Variants in POLR1A observed in about 807,000 individuals in gnomAD.
The protein encoded by POLR1A is DNA-directed RNA polymerase I subunit RPA1.
POLR1A carries 84 observed loss-of-function variants against 205.3 expected under a neutral mutation model. The observed-to-expected ratio is 0.41, with a 90% confidence interval of 0.34 to 0.49. The LOEUF (loss-of-function observed/expected upper bound fraction) is 0.49. POLR1A is among the 20% of genes least tolerant of loss of function. The pLI is 0.22. For synonymous variants in POLR1A, 799 were observed against 863.7 expected (o/e 0.93, Z 1.31); for missense variants, 1,645 against 2,204.5 (o/e 0.75, Z 5.08).
Position 86,061,567 on chromosome 2 carries a change from C to T in POLR1A, c.2058+3707G>A, listed in dbSNP as rs995935201. The stretch of plus-strand genomic sequence containing the variant: ...ATATGTGTTCAACAAAAGATACACA[C>T]GACAAGTGTTCACAGTAGCCCCATT... On this transcript the variant is annotated intron_variant, in intron 14 of 33. Transcript: ENST00000263857. Among the ~76,000 whole-genome samples, 11 of 152,276 alleles carry T rather than the reference C, an allele frequency of 7.2e-5. No individual in the cohort carries two copies. The South Asian group carries it at 1.0e-3, about 14-fold the overall frequency.
chr2:86,072,090 G>C (rs950924695), intron 12 of POLR1A, among the ~76,000 whole-genome samples: 11 of 152,182 alleles, frequency 7.2e-5, no homozygotes, highest in Admixed American at 1.3e-4. Context: ...CTCTCTCCCC[G>C]ATTCCTGTTC....
rs142907292 is a variant in POLR1A, at chr2:86,034,885, C to T, written c.4035-1098G>A. Among the ~76,000 whole-genome samples, 11 of 152,166 alleles carry T rather than the reference C, an allele frequency of 7.2e-5. No homozygotes were observed. The East Asian group carries it at 1.7e-3, about 24-fold the overall frequency. ...TATTATTATTATTAGTTCCCCCCAC[C>T]GTCCCGAGATGGAGTCTCTCTATCC... On this transcript the variant is annotated intron_variant, in intron 27 of 33. Coordinates refer to ENST00000263857, the MANE Select transcript of POLR1A (RefSeq NM_015425.6).
chr2:86,031,912 C>T lies in POLR1A; in HGVS notation c.4273-277G>A, dbSNP rs74453535. Among the ~76,000 whole-genome samples the T allele has an allele frequency of 8.7e-3, 1,322 of 152,286 alleles. 19 individuals are homozygous for T. The highest frequency in any genetic ancestry group is 0.03 in the African/African-American group (1,241 of 41,550). On this transcript the variant is annotated intron_variant, in intron 29 of 33. Coordinates refer to ENST00000263857, the MANE Select transcript of POLR1A (RefSeq NM_015425.6). Reference sequence around the variant, plus strand: ...GTACCTGCTCACCGGTAAGTTCCCTCGGCCATTATGACAGCAGGAGACTGG... The same window carrying T: ...GTACCTGCTCACCGGTAAGTTCCCTTGGCCATTATGACAGCAGGAGACTGG...
rs1324437860 is a variant in POLR1A, at chr2:86,044,232, C to T, written c.3042G>A (p.Val1014=). The T allele has an allele frequency of 1.9e-6, 3 of 1,614,130 alleles. No individual in the cohort carries two copies. The Admixed American group carries it at 5.0e-5, about 27-fold the overall frequency. Residue 1014 remains valine (V), a synonymous_variant, in exon 22 of 34, where the codon GTG becomes GTA. Coordinates refer to ENST00000263857, the MANE Select transcript of POLR1A (RefSeq NM_015425.6). ...CATCCTCCCCATACAGGAACTGCAC[C>T]ACACTGCCGTCACTGTCACGGACCG... ...DLTVRDSDGS[V]VQFLYGEDGL... is the part of the protein sequence containing the mutation.
At chr2:86,097,334 A>G (rs2104435376) in intron 3 of POLR1A, among the ~76,000 whole-genome samples, 1 of 151,774 alleles carries the variant, frequency 6.6e-6, no homozygotes, top group African/African-American at 2.4e-5. Flanking sequence ...AAACATATGA[A>G]GGTTCCTCAA....
chr2:86,105,627 G>C, intron 1 of POLR1A, 73 bp downstream of exon 1: 1 of 989,722 alleles, frequency 1.0e-6, no homozygotes, highest in Non-Finnish European at 1.6e-6. Context: ...GGGCAAAAGC[G>C]CTTCTGGGAA....
At chr2:86,067,759 C>A (rs914535397) in intron 13 of POLR1A, among the ~76,000 whole-genome samples, 1 of 152,092 alleles carries the variant, frequency 6.6e-6, no homozygotes, top group African/African-American at 2.4e-5. Context: ...TAGGACTCTG[C>A]CAATAAAGAC....
chr2:86,043,314 C>A, intron 22 of POLR1A, 119 bp from the exon 23 acceptor site: 1 of 775,800 alleles, frequency 1.3e-6, no homozygotes, highest in Non-Finnish European at 2.2e-6. Flanking sequence ...TGGTGTGGAG[C>A]CCTCATGATG....
chr2:86,036,217 T>A (rs1672493845), intron 27 of POLR1A, among the ~76,000 whole-genome samples: 1 of 152,200 alleles, frequency 6.6e-6, no homozygotes, highest in African/African-American at 2.4e-5. Flanking sequence ...TTACAGACTG[T>A]CAGCTGGGTC....
intron 9 of POLR1A, among the ~76,000 whole-genome samples, chr2:86,079,582 AGATGGGGTCT>A (rs1005009955): frequency 1.3e-5 from 2 of 151,870 alleles, no homozygotes; most frequent in African/African-American, 4.8e-5. Flanking sequence ...TTAATTATTG[AGATGGGGTCT>A]AACTCTGTTA....
At chr2:86,092,936 T>A (rs974818517) in intron 3 of POLR1A, among the ~76,000 whole-genome samples, 12 of 152,326 alleles carry the variant, frequency 7.9e-5, no homozygotes, top group African/African-American at 2.9e-4. Context: ...CACTCATGAT[T>A]ACAGAGGCAA....
At chr2:86,039,958 G>A (rs2104387740) in intron 25 of POLR1A, 1 of 194,706 alleles carries the variant, frequency 5.1e-6, no homozygotes, top group East Asian at 1.4e-4. Context: ...AGATGGGTCT[G>A]ACCCCACACT....
At chr2:86,037,390 G>A (rs1014319116) in intron 27 of POLR1A, among the ~76,000 whole-genome samples, 15 of 152,252 alleles carry the variant, frequency 9.9e-5, no homozygotes, top group African/African-American at 3.4e-4. Context: ...TCCACCCCAA[G>A]ACCCACCATC....
In POLR1A at chr2:86,082,953, C is replaced by CCT. The variant is rs1261151321; in HGVS notation, c.817+127_817+128dup. On this transcript the variant is annotated intron_variant, in intron 7 of 33. Coordinates refer to ENST00000263857, the MANE Select transcript of POLR1A (RefSeq NM_015425.6). The stretch of plus-strand genomic sequence containing the variant: ...AATGTGCCCTGAAGACTGCCCCAAA[C>CCT]CTCTGGATCAGTTCCAGGAGGAAGC... The CCT allele has an allele frequency of 2.5e-5, 17 of 692,978 alleles. No homozygotes were observed. The East Asian group carries it at 4.6e-4, about 19-fold the overall frequency. 42.9% of individuals were successfully genotyped at this position (692,978 alleles called of 1,614,324 possible).
rs1160320704 is a variant in POLR1A, at chr2:86,020,545, C to G, written c.*6878G>C. ...CCTGGGCAACAGAGTGAGACCCCGT[C>G]TCAAAAAAAAAAAAAAAAAAAAAAA... On this transcript the variant is annotated 3_prime_UTR_variant, in exon 34 of 34. Coordinates refer to ENST00000263857, the MANE Select transcript of POLR1A (RefSeq NM_015425.6). 2 of 74,022 alleles carry G rather than the reference C, an allele frequency of 2.7e-5. No individual in the cohort carries two copies. Among genetic ancestry groups the G allele is most frequent in the Non-Finnish European group, 4.4e-5 (2 of 45,782 alleles). The allele number at this position is 74,022 out of a possible 1,614,324, so 4.6% of individuals were successfully genotyped here.
chr2:86,074,455 T>C (rs1673241925), intron 12 of POLR1A, among the ~76,000 whole-genome samples: 1 of 152,224 alleles, frequency 6.6e-6, no homozygotes, highest in African/African-American at 2.4e-5. Context: ...ATGGCTATTA[T>C]GTGACAGAGC....
At chr2:86,036,700 T>C (rs1672502351) in intron 27 of POLR1A, among the ~76,000 whole-genome samples, 2 of 152,172 alleles carry the variant, frequency 1.3e-5, no homozygotes, top group African/African-American at 4.8e-5. Flanking sequence ...CACTGCCCCA[T>C]CTTTTAGCTC....
intron 14 of POLR1A, among the ~76,000 whole-genome samples, chr2:86,054,721 T>C (rs2278085): frequency 0.043 from 6,591 of 152,330 alleles, 264 homozygotes; most frequent in East Asian, 0.23. Context: ...CTGGCCCCAG[T>C]TGGATCCCTC....
rs1690232406 is a variant in POLR1A, at chr2:86,024,896, G to C, written c.*2527C>G. ...TCACGCCTGTAAACCCAGCACTTTG[G>C]GAGGCTGAGGCAGGCGGATCACCTG... On this transcript the variant is annotated 3_prime_UTR_variant, in exon 34 of 34. Coordinates refer to ENST00000263857, the MANE Select transcript of POLR1A (RefSeq NM_015425.6). The C allele has an allele frequency of 6.6e-6, 1 of 152,240 alleles. No individual in the cohort carries two copies. The highest frequency in any genetic ancestry group is 6.5e-5 in the Admixed American group (1 of 15,270). The allele number at this position is 152,240 out of a possible 1,614,324, so 9.4% of individuals were successfully genotyped here. A position where few individuals can be genotyped will look rare whatever the true frequency, so the allele number is the denominator to read the frequency against.
Sources: allele counts gnomAD v4.1 joint callset (sites outside exome capture counted in the v4.1 genomes callset), GRCh38; gene constraint gnomAD v4.1.1; transcripts MANE v1.5; gene names NCBI Gene and HGNC (gene_info 2026-07-23, HGNC 2026-07-21).